Variants in TOPAZ1 observed in about 807,000 individuals in gnomAD.
TOPAZ1 encodes the protein protein TOPAZ1.
In TOPAZ1, 66 loss-of-function variants were observed where a neutral mutation model predicts 172.2. The ratio of observed to expected loss-of-function variants is 0.38; its 90% CI spans 0.31 to 0.47. TOPAZ1 has a LOEUF of 0.47. Among genes scored for constraint, TOPAZ1 ranks in the 20% least tolerant of loss-of-function variants. TOPAZ1 has a pLI of 0.99. For synonymous variants in TOPAZ1, 681 were observed against 683.9 expected (o/e 1.00, Z 0.07); for missense variants, 1,822 against 1,972.4 (o/e 0.92, Z 1.44).
chr3:44,252,614 C>T (rs1699647305), intron 2 of TOPAZ1, among the ~76,000 whole-genome samples: 2 of 152,170 alleles, frequency 1.3e-5, no homozygotes, highest in Non-Finnish European at 2.9e-5. Context: ...CTACAATGCA[C>T]CATGTACTTT....
intron 8 of TOPAZ1, among the ~76,000 whole-genome samples, chr3:44,275,814 C>T (rs1699947485): frequency 6.6e-6 from 1 of 152,092 alleles, no homozygotes; most frequent in Admixed American, 6.5e-5. Context: ...TACATTCCCA[C>T]CAACAGTGTA....
intron 18 of TOPAZ1, among the ~76,000 whole-genome samples, chr3:44,323,708 G>C (rs895605652): frequency 6.6e-6 from 1 of 152,170 alleles, no homozygotes. Flanking sequence ...TCAATAGCAG[G>C]TCACATCAGA....
chr3:44,289,185 T>C (rs1030081965), intron 11 of TOPAZ1, among the ~76,000 whole-genome samples: 2 of 152,236 alleles, frequency 1.3e-5, no homozygotes, highest in African/African-American at 4.8e-5. Flanking sequence ...GGTTTGTTTA[T>C]AGTTGGCCTT....
chr3:44,290,035 A>C (rs1575722850), intron 11 of TOPAZ1, among the ~76,000 whole-genome samples: 1 of 152,082 alleles, frequency 6.6e-6, no homozygotes, highest in Non-Finnish European at 1.5e-5. Flanking sequence ...AGTATTATGG[A>C]GGTATTGGAG....
At chr3:44,268,574 A>T (rs938223275) in intron 6 of TOPAZ1, among the ~76,000 whole-genome samples, 2 of 151,590 alleles carry the variant, frequency 1.3e-5, no homozygotes, top group Non-Finnish European at 2.9e-5. Context: ...AGGTTTCACC[A>T]TGTTGGCCAG....
chr3:44,290,465 A>C (rs1405010761), intron 11 of TOPAZ1, among the ~76,000 whole-genome samples: 1 of 152,194 alleles, frequency 6.6e-6, no homozygotes, highest in Non-Finnish European at 1.5e-5. Context: ...ATCAGGGATG[A>C]GGTATGAATA....
At chr3:44,324,604 T>C (rs1365117312) in intron 18 of TOPAZ1, among the ~76,000 whole-genome samples, 1 of 152,182 alleles carries the variant, frequency 6.6e-6, no homozygotes, top group African/African-American at 2.4e-5. Flanking sequence ...AAATTTTATA[T>C]TAAAGCATCT....
At chr3:44,317,475 A>C (rs950780685) in intron 16 of TOPAZ1, among the ~76,000 whole-genome samples, 6 of 152,178 alleles carry the variant, frequency 3.9e-5, no homozygotes, top group Admixed American at 3.9e-4. Context: ...GTATCTTTAG[A>C]TACTCCCCCA....
intron 12 of TOPAZ1, among the ~76,000 whole-genome samples, chr3:44,295,806 A>G (rs1700187985): frequency 6.6e-6 from 1 of 152,180 alleles, no homozygotes; most frequent in South Asian, 2.1e-4. Flanking sequence ...TCCCTCTCTC[A>G]ATAATTGATA....
chr3:44,269,310 A>G lies in TOPAZ1; in HGVS notation c.3246+9A>G, dbSNP rs2125686035. ...GGGAAAAAAATGTGGGGGTAAGTCT[A>G]CTTTAAAAAATAATAATAATCTGTC... On this transcript the variant is annotated intron_variant, in intron 7 of 19. Coordinates refer to ENST00000309765, the MANE Select transcript of TOPAZ1 (RefSeq NM_001145030.2). 6.7e-7 allele frequency: 1 copy of G among 1,483,730 alleles called. No individual in the cohort carries two copies. The highest frequency in any genetic ancestry group is 2.5e-5 in the East Asian group (1 of 40,554). The allele number at this position is 1,483,730 out of a possible 1,614,324, so 91.9% of individuals were successfully genotyped here. A position where few individuals can be genotyped will look rare whatever the true frequency, so the allele number is the denominator to read the frequency against.
At chr3:44,331,377 G>A (rs576911919) in intron 19 of TOPAZ1, among the ~76,000 whole-genome samples, 2 of 152,086 alleles carry the variant, frequency 1.3e-5, no homozygotes, top group Admixed American at 6.5e-5. Context: ...TCAGGCTAGA[G>A]TGCAGTGGTG....
At position 44,243,761 on chromosome 3, in the gene TOPAZ1, A is replaced by G; in HGVS notation, c.1255A>G (p.Thr419Ala). The change falls in exon 2 of 20, where the codon ACC (threonine) becomes GCC (alanine). Residue 419 changes from threonine (T) to alanine (A), a missense_variant. Coordinates refer to ENST00000309765, the MANE Select transcript of TOPAZ1 (RefSeq NM_001145030.2). ...EHHVNAVFQK[T>A]IEPLLKEETE... ...TCATGTAAATGCTGTGTTTCAGAAA[A>G]CCATTGAACCACTTTTGAAAGAAGA... is the stretch of plus-strand genomic sequence containing the variant. The G allele has an allele frequency of 6.4e-7, 1 of 1,551,758 alleles. No homozygotes were observed. Among genetic ancestry groups the G allele is most frequent in the Non-Finnish European group, 8.7e-7 (1 of 1,146,990 alleles).
chr3:44,335,525 G>A (rs1424119983), downstream of TOPAZ1, among the ~76,000 whole-genome samples: 3 of 152,136 alleles, frequency 2.0e-5, no homozygotes, highest in East Asian at 5.8e-4. Flanking sequence ...TTGGGAGGCT[G>A]AGGCAGGAGA....
chr3:44,294,654 A>G (rs1700174398), intron 12 of TOPAZ1, among the ~76,000 whole-genome samples: 1 of 152,068 alleles, frequency 6.6e-6, no homozygotes, highest in South Asian at 2.1e-4. Flanking sequence ...GGCACGTGCC[A>G]TTGTGCCCTA....
At chr3:44,313,759 T>C (rs1283568864) in intron 16 of TOPAZ1, among the ~76,000 whole-genome samples, 1 of 152,188 alleles carries the variant, frequency 6.6e-6, no homozygotes, top group Non-Finnish European at 1.5e-5. Flanking sequence ...TAGTGCCTGA[T>C]ACTATGTTTT....
intron 2 of TOPAZ1, among the ~76,000 whole-genome samples, chr3:44,247,719 G>A (rs1472925294): frequency 2.6e-5 from 4 of 152,140 alleles, no homozygotes; most frequent in East Asian, 1.9e-4. Context: ...GGCGGATCTC[G>A]GCTCACTGCA....
chr3:44,305,193 T>G lies in TOPAZ1; in HGVS notation c.3911T>G (p.Ile1304Ser). ...TGGACCAAATTGGGAAAATTATACA[T>G]TAACGTAAAAATGGGCTGTGAAAAA... ...GDWTKLGKLY[I>S]NVKMGCEKFA... The change falls in exon 14 of 20, where the codon ATT (isoleucine) becomes AGT (serine). Residue 1304 changes from isoleucine to serine, a missense_variant. This residue lies in a region of TOPAZ1 where 333 missense variants were observed against 481.7 expected (regional missense o/e 0.69). Coordinates refer to ENST00000309765, the MANE Select transcript of TOPAZ1 (RefSeq NM_001145030.2). 1 of 1,544,606 alleles carries G rather than the reference T, an allele frequency of 6.5e-7. No homozygotes were observed. Among genetic ancestry groups the G allele is most frequent in the Non-Finnish European group, 8.7e-7 (1 of 1,144,762 alleles).
At chr3:44,255,662 A>AAATATAT (rs1244611647) in intron 3 of TOPAZ1, among the ~76,000 whole-genome samples, 1 of 80,006 alleles carries the variant, frequency 1.2e-5, no homozygotes, top group Admixed American at 1.4e-4. Context: ...AAAAAAAAAA[A>AAATATAT]ATATATATAC....
chr3:44,258,276 A>G (rs941090014), intron 4 of TOPAZ1, among the ~76,000 whole-genome samples: 3 of 152,240 alleles, frequency 2.0e-5, no homozygotes, highest in Admixed American at 1.3e-4. Context: ...GAAATAATGC[A>G]TAGATATCTA....
Sources: allele counts gnomAD v4.1 joint callset (sites outside exome capture counted in the v4.1 genomes callset), GRCh38; gene constraint gnomAD v4.1.1; regional missense constraint gnomAD v4.1.1; transcripts MANE v1.5; gene names NCBI Gene and HGNC (gene_info 2026-07-23, HGNC 2026-07-21).